PRKCB: variants seen among roughly 807,000 people sequenced by gnomAD.
PRKCB encodes protein kinase C beta.
A neutral mutation model predicts 81.5 loss-of-function variants in PRKCB; 13 were observed. The ratio of observed to expected loss-of-function variants is 0.16; its 90% CI spans 0.10 to 0.25. PRKCB has a LOEUF of 0.25. PRKCB is among the 10% of genes least tolerant of loss of function. The pLI, the probability that PRKCB is intolerant of heterozygous loss-of-function variation, is 1.00. For synonymous variants in PRKCB, 335 were observed against 321.4 expected (o/e 1.04, Z -0.45); for missense variants, 509 against 875.7 (o/e 0.58, Z 5.29).
chr16:23,986,681 C>T (rs1183392174), intron 2 of PRKCB, among the ~76,000 whole-genome samples: 2 of 152,178 alleles, frequency 1.3e-5, no homozygotes, highest in Non-Finnish European at 2.9e-5. Context: ...TTGTAACCCT[C>T]CTGCAACTCC....
intron 9 of PRKCB, among the ~76,000 whole-genome samples, chr16:24,141,492 G>A (rs969375904): frequency 1.3e-5 from 2 of 152,120 alleles, no homozygotes; most frequent in East Asian, 1.9e-4. Flanking sequence ...CACTGTGCCC[G>A]GCCAAGACCT....
chr16:24,018,880 C>T (rs980859429), intron 3 of PRKCB, among the ~76,000 whole-genome samples: 2 of 152,204 alleles, frequency 1.3e-5, no homozygotes, highest in Non-Finnish European at 2.9e-5. Context: ...TAACATTCTC[C>T]ACTTTTCATG....
chr16:24,155,045 C>T (rs760382807), intron 10 of PRKCB, among the ~76,000 whole-genome samples, 188 bp downstream of exon 10: 14 of 152,246 alleles, frequency 9.2e-5, no homozygotes, highest in Non-Finnish European at 1.8e-4. Context: ...TCCCCTGAGA[C>T]AGATGCTGTC....
At chr16:23,881,270 T>G (rs1463230987) in intron 2 of PRKCB, among the ~76,000 whole-genome samples, 1 of 147,428 alleles carries the variant, frequency 6.8e-6, no homozygotes, top group Non-Finnish European at 1.5e-5. Context: ...TTTTTTTTTT[T>G]GAGACAGAGT....
chr16:24,208,766 TCC>T, intron 16 of PRKCB, among the ~76,000 whole-genome samples: 1 of 152,148 alleles, frequency 6.6e-6, no homozygotes, highest in Non-Finnish European at 1.5e-5. Context: ...GGGCTGTGTC[TCC>T]CAAGGGCTGA....
chr16:24,004,498 A>G (rs1038471638), intron 3 of PRKCB, among the ~76,000 whole-genome samples: 2 of 149,516 alleles, frequency 1.3e-5, no homozygotes, highest in East Asian at 1.9e-4. Flanking sequence ...AAAAAAAAAA[A>G]GAAAAAATTA....
At chr16:24,157,620 G>A (rs1248888230) in intron 10 of PRKCB, among the ~76,000 whole-genome samples, 1 of 150,076 alleles carries the variant, frequency 6.7e-6, no homozygotes, top group African/African-American at 2.5e-5. Flanking sequence ...GGACTAATGA[G>A]AATGGACTAA....
chr16:23,860,719 C>T (rs1166162845), intron 2 of PRKCB, among the ~76,000 whole-genome samples: 1 of 150,254 alleles, frequency 6.7e-6, no homozygotes, highest in African/African-American at 2.5e-5. Flanking sequence ...AACCCCATCT[C>T]TACTAAAAAA....
At chr16:24,122,736 A>G (rs1198282190) in intron 8 of PRKCB, among the ~76,000 whole-genome samples, 1 of 132,566 alleles carries the variant, frequency 7.5e-6, no homozygotes, top group Non-Finnish European at 1.7e-5. Flanking sequence ...TTGGAATTGC[A>G]GGTGTGAGCC....
In PRKCB at chr16:24,076,401, C is replaced by T. The variant is rs141715205; in HGVS notation, c.530-16390C>T. 1.5e-4 allele frequency among the ~76,000 whole-genome samples: 23 copies of T among 152,242 alleles called. No individual in the cohort carries two copies. The East Asian group carries it at 4.4e-3, about 29-fold the overall frequency. On this transcript the variant is annotated intron_variant, in intron 5 of 16. Coordinates refer to ENST00000643927, the MANE Select transcript of PRKCB (RefSeq NM_002738.7). ...GTGAATCATGGAGCAAAAAGGGGGC[C>T]TTATCTGCTTCTTCATCCATTCTCT...
At chr16:23,977,606 G>A (rs930213107) in intron 2 of PRKCB, among the ~76,000 whole-genome samples, 6 of 152,286 alleles carry the variant, frequency 3.9e-5, no homozygotes, top group Middle Eastern at 3.4e-3. Context: ...ATGTGGTCGC[G>A]CATACAGAGA....
intron 2 of PRKCB, among the ~76,000 whole-genome samples, chr16:23,906,136 T>G (rs1320678105): frequency 6.6e-6 from 1 of 152,334 alleles, no homozygotes; most frequent in Non-Finnish European, 1.5e-5. Context: ...GCTGAATTGC[T>G]TTCTGTACAG....
intron 9 of PRKCB, among the ~76,000 whole-genome samples, chr16:24,154,479 A>T (rs758838583): frequency 6.6e-6 from 1 of 152,146 alleles, no homozygotes; most frequent in East Asian, 1.9e-4. Flanking sequence ...TGATCATGCT[A>T]TTGCAATCTA....
intron 2 of PRKCB, among the ~76,000 whole-genome samples, chr16:23,967,548 A>C (rs1314679976): frequency 6.6e-6 from 1 of 152,252 alleles, no homozygotes; most frequent in Admixed American, 6.5e-5. Context: ...ATCAGGAACA[A>C]TTCCTAACAG....
At position 24,220,354 on chromosome 16, in the gene PRKCB, C is replaced by T. The variant is rs1413095101; in HGVS notation, c.*5538C>T. The T allele has an allele frequency of 2.6e-6, 1 of 386,928 alleles. No homozygotes were observed. The highest frequency in any genetic ancestry group is 4.4e-5 in the East Asian group (1 of 22,628). 24.0% of individuals were successfully genotyped at this position (386,928 alleles called of 1,614,324 possible). ...GTACAATTTTCCAAACTTCCAGAAA[C>T]TCATCAAATGAACAGACAATGTCAA... is the stretch of plus-strand genomic sequence containing the variant. On this transcript the variant is annotated 3_prime_UTR_variant, in exon 17 of 17. Coordinates refer to ENST00000643927, the MANE Select transcript of PRKCB (RefSeq NM_002738.7).
At chr16:24,035,610 A>C in intron 5 of PRKCB, 63 bp downstream of exon 5, 3 of 315,568 alleles carry the variant, frequency 9.5e-6, no homozygotes, top group Non-Finnish European at 1.3e-5. Context: ...TGAGAAGGGG[A>C]GGGTGGCGGA....
At position 24,047,935 on chromosome 16, in the gene PRKCB, G is replaced by A. The variant is rs140579837; in HGVS notation, c.529+12388G>A. 2.0e-4 allele frequency among the ~76,000 whole-genome samples: 30 copies of A among 152,318 alleles called. No homozygotes were observed. In the East Asian group the frequency reaches 5.0e-3, roughly 25 times the overall value. ...GGCTGGAGGCATTCCAGGTAGCCCT[G>A]GAGAAGGCAGGAGAGGCATAAGTTA... On this transcript the variant is annotated intron_variant, in intron 5 of 16. Transcript: ENST00000643927.
chr16:24,159,495 CT>C (rs1967221782), intron 10 of PRKCB, among the ~76,000 whole-genome samples: 1 of 143,406 alleles, frequency 7.0e-6, no homozygotes, highest in Non-Finnish European at 1.5e-5. Context: ...CCTGATACCT[CT>C]ATTGGAAAGG....
At chr16:24,093,281 A>G (rs1966398805) in intron 6 of PRKCB, among the ~76,000 whole-genome samples, 1 of 152,194 alleles carries the variant, frequency 6.6e-6, no homozygotes, top group Non-Finnish European at 1.5e-5. Context: ...ATAGGGGAAC[A>G]TAACCTACAG....
Sources: allele counts gnomAD v4.1 joint callset (sites outside exome capture counted in the v4.1 genomes callset), GRCh38; gene constraint gnomAD v4.1.1; transcripts MANE v1.5; gene names NCBI Gene and HGNC (gene_info 2026-07-23, HGNC 2026-07-21).